The following NAP1L4 variants were observed in gnomAD, a reference collection of about 807,000 sequenced individuals.
NAP1L4 encodes the protein nucleosome assembly protein 1-like 4.
A neutral mutation model predicts 58.2 loss-of-function variants in NAP1L4; 15 were observed. The observed-to-expected ratio is 0.26, with a 90% confidence interval of 0.17 to 0.40. The LOEUF (loss-of-function observed/expected upper bound fraction) is 0.40, where lower values mean the gene tolerates loss of function less well. Among genes scored for constraint, NAP1L4 ranks in the 10% least tolerant of loss-of-function variants. NAP1L4 has a pLI of 1.00. For synonymous variants in NAP1L4, 171 were observed against 155.6 expected (o/e 1.10, Z -0.74); for missense variants, 384 against 451.1 (o/e 0.85, Z 1.35).
At chr11:2,969,682 G>C (rs1221069088) in intron 7 of NAP1L4, 121 bp downstream of exon 7, 2 of 1,085,940 alleles carry the variant, frequency 1.8e-6, no homozygotes, top group African/African-American at 3.2e-5. Flanking sequence ...GTCAGAGAAA[G>C]TGCCCTTCCG....
At chr11:2,983,749 T>C (rs1848461397) in intron 1 of NAP1L4, 1 of 152,004 alleles carries the variant, frequency 6.6e-6, no homozygotes, top group South Asian at 2.1e-4. Context: ...ATCCTACCCC[T>C]ATCACAGATC....
intron 1 of NAP1L4, among the ~76,000 whole-genome samples, chr11:2,985,683 T>C (rs886303643): frequency 2.6e-5 from 4 of 152,192 alleles, no homozygotes; most frequent in African/African-American, 9.7e-5. Context: ...AAATATAATT[T>C]TGTGTTAATA....
chr11:2,986,021 T>A (rs537325513), intron 1 of NAP1L4, among the ~76,000 whole-genome samples: 3 of 152,252 alleles, frequency 2.0e-5, no homozygotes, highest in African/African-American at 7.2e-5. Flanking sequence ...TAACAAAATA[T>A]AACCTTAAAT....
At chr11:2,965,898 A>C (rs1428159244) in intron 7 of NAP1L4, among the ~76,000 whole-genome samples, 1 of 152,178 alleles carries the variant, frequency 6.6e-6, no homozygotes, top group East Asian at 1.9e-4. Context: ...GGCACCATGG[A>C]AGAGTGGGCA....
In NAP1L4 at chr11:2,972,204, T is replaced by C; in HGVS notation, c.213A>G (p.Lys71=). 6.2e-7 allele frequency: 1 copy of C among 1,609,826 alleles called. No homozygotes were observed. The highest frequency in any genetic ancestry group is 8.5e-7 in the Non-Finnish European group (1 of 1,178,830). Residue 71 remains lysine, a synonymous_variant, in exon 5 of 16, where the codon AAA becomes AAG. Transcript: ENST00000380542. ...TGTGAGCACATCTCACCTGAAGTTG[T>C]TTCAATGCATTAATTCTTCTTTTTA... The part of the protein sequence containing the change: ...KAVKRRINAL[K]QLQVRCAHIE...
At chr11:2,986,700 C>T (rs895803962) in intron 1 of NAP1L4, among the ~76,000 whole-genome samples, 14 of 150,100 alleles carry the variant, frequency 9.3e-5, no homozygotes, top group Non-Finnish European at 1.5e-4. Context: ...GATCTCGGCT[C>T]ACTGCAACCT....
intron 1 of NAP1L4, among the ~76,000 whole-genome samples, chr11:2,980,934 G>GA (rs61483847): frequency 0.11 from 15,837 of 149,640 alleles, 992 homozygotes; most frequent in African/African-American, 0.16. Flanking sequence ...AAACCAAAAA[G>GA]AAAAAAAAAA....
At chr11:2,969,969 A>G (rs1336890375) in intron 6 of NAP1L4, 35 bp from the exon 7 acceptor site, 9 of 1,592,824 alleles carry the variant, frequency 5.7e-6, no homozygotes, top group South Asian at 1.1e-5. Flanking sequence ...AACGAAAATA[A>G]AAGTTTACAA....
Position 2,957,779 on chromosome 11 carries a change from T to A in NAP1L4, c.892+620A>T, listed in dbSNP as rs1846631326. On this transcript the variant is annotated intron_variant, in intron 10 of 15. Transcript: ENST00000380542. ...AAACAAAAAGAAGCAGCTTCCAAGC[T>A]GTGATTCTGCCGATGTTTTTCAAAA... 2.0e-5 allele frequency among the ~76,000 whole-genome samples: 3 copies of A among 152,232 alleles called. No individual in the cohort carries two copies. In the South Asian group the frequency reaches 6.2e-4, roughly 32 times the overall value.
chr11:2,967,259 T>C (rs1302400007), intron 7 of NAP1L4, among the ~76,000 whole-genome samples: 3 of 152,114 alleles, frequency 2.0e-5, no homozygotes, highest in Non-Finnish European at 4.4e-5. Flanking sequence ...AGCAAGACCA[T>C]GTCCCTTAAA....
chr11:2,984,166 CAAAAAAAAAAAA>C (rs35188952), intron 1 of NAP1L4, among the ~76,000 whole-genome samples: 1 of 80,574 alleles, frequency 1.2e-5, no homozygotes, highest in East Asian at 3.5e-4. Context: ...GACCCTGCCT[CAAAAAAAAAAAA>C]AAAAAAAAAA....
chr11:2,985,298 TTTCAGCACCACAAA>T (rs1848554176), intron 1 of NAP1L4, among the ~76,000 whole-genome samples: 1 of 152,198 alleles, frequency 6.6e-6, no homozygotes, highest in Non-Finnish European at 1.5e-5. Flanking sequence ...TTCAGTCAAG[TTTCAGCACCACAAA>T]TTATTTTTGT....
chr11:2,970,026 A>C, intron 6 of NAP1L4, 92 bp from the exon 7 acceptor site: 1 of 1,326,558 alleles, frequency 7.5e-7, no homozygotes, highest in Non-Finnish European at 1.0e-6. Flanking sequence ...ATCCTCTACT[A>C]TCTCCCATCA....
At chr11:2,970,770 C>T (rs1246308427) in intron 6 of NAP1L4, among the ~76,000 whole-genome samples, 1 of 151,964 alleles carries the variant, frequency 6.6e-6, no homozygotes, top group African/African-American at 2.4e-5. Context: ...AATCCACAGC[C>T]ATGGCTTCAA....
At chr11:2,956,593 C>T (rs1268444016) in intron 10 of NAP1L4, among the ~76,000 whole-genome samples, 1 of 152,176 alleles carries the variant, frequency 6.6e-6, no homozygotes, top group African/African-American at 2.4e-5. Flanking sequence ...ATGTTGGGTG[C>T]GTAAACACCA....
chr11:2,971,517 G>A lies in NAP1L4; in HGVS notation c.333C>T (p.Thr111=), dbSNP rs16928946. ...CCGCATCTGTTGGTTCAACATCGCC[G>A]GTGATAAATTCTCTTCTCTACATAA... ...PLFDKRREFI[T]GDVEPTDAES... The change falls in exon 6 of 16, where the codon ACC becomes ACT. Residue 111 remains threonine (T), a synonymous_variant. Transcript: ENST00000380542. The surrounding 1 kb of genome is among the most constrained non-coding windows in gnomAD (Gnocchi z 4.2). 7,075 of 1,613,376 alleles carry A rather than the reference G, an allele frequency of 4.4e-3. 273 individuals are homozygous for A. The African/African-American group carries it at 0.082, about 19-fold the overall frequency.
intron 4 of NAP1L4, among the ~76,000 whole-genome samples, chr11:2,972,808 A>G (rs1189894223): frequency 6.6e-6 from 1 of 152,150 alleles, no homozygotes; most frequent in East Asian, 1.9e-4. Context: ...TCTCTACAAA[A>G]AAATTTTAAA....
rs886941050 is a variant in NAP1L4, at chr11:2,946,167, C to T, written c.*33-521G>A. Among the ~76,000 whole-genome samples, 9 of 152,156 alleles carry T rather than the reference C, an allele frequency of 5.9e-5. No individual in the cohort carries two copies. The highest frequency in any genetic ancestry group is 1.9e-4 in the East Asian group (1 of 5,196). On this transcript the variant is annotated intron_variant, in intron 15 of 15. Transcript: ENST00000380542. This position sits in a 1 kb window ranked among gnomAD's most constrained non-coding sequence, Gnocchi z 4.8. Reference sequence around the variant, plus strand: ...TCCTGCTCTTTGTACTACCAGGGAGCGCCCCGGCAGATCCATCCTCTTCTG... The same window carrying T: ...TCCTGCTCTTTGTACTACCAGGGAGTGCCCCGGCAGATCCATCCTCTTCTG...
intron 15 of NAP1L4, among the ~76,000 whole-genome samples, chr11:2,947,608 G>C (rs1290595837): frequency 2.0e-5 from 3 of 151,242 alleles, no homozygotes; most frequent in Non-Finnish European, 4.4e-5. Context: ...TTTAGCTTGT[G>C]ACACATGCCG....
Sources: allele counts gnomAD v4.1 joint callset (sites outside exome capture counted in the v4.1 genomes callset), GRCh38; gene constraint gnomAD v4.1.1; non-coding constraint Gnocchi (gnomAD v3.1); transcripts MANE v1.5; gene names NCBI Gene and HGNC (gene_info 2026-07-23, HGNC 2026-07-21).